Variants in RARB observed in about 807,000 individuals in gnomAD.
The protein encoded by RARB is HBV-activated protein.
Under a neutral mutation model 51.9 loss-of-function variants are expected in RARB, and 17 were observed. The observed-to-expected ratio is 0.33, with a 90% CI of 0.22 to 0.49. The LOEUF (loss-of-function observed/expected upper bound fraction) is 0.49. Ranked by LOEUF, RARB falls within the 20% of genes least tolerant of loss-of-function variation. The pLI, the probability that RARB is intolerant of heterozygous loss-of-function variation, is 0.99. For synonymous variants in RARB, 215 were observed against 195.4 expected (o/e 1.10, Z -0.84); for missense variants, 369 against 550.8 (o/e 0.67, Z 3.30).
intron 5 of RARB, among the ~76,000 whole-genome samples, chr3:25,232,101 A>T (rs981196556): frequency 2.6e-5 from 4 of 152,132 alleles, no homozygotes; most frequent in Non-Finnish European, 5.9e-5. Flanking sequence ...ATTTGTTGAA[A>T]AAACTAAATT....
At chr3:25,441,543 G>T (rs950106413) in intron 1 of RARB, 1 of 155,382 alleles carries the variant, frequency 6.4e-6, no homozygotes. Flanking sequence ...CCGTGGTATG[G>T]ACACCTCCTT....
chr3:24,995,653 A>ATT (rs1697005411), intron 2 of RARB, among the ~76,000 whole-genome samples: 1 of 151,966 alleles, frequency 6.6e-6, no homozygotes, highest in Non-Finnish European at 1.5e-5. Flanking sequence ...TCCATCCCTA[A>ATT]TTTGTTAAGA....
intron 2 of RARB, among the ~76,000 whole-genome samples, chr3:25,027,974 ATT>A (rs10535825): frequency 0.68 from 102,819 of 151,576 alleles, 35,119 homozygotes; most frequent in East Asian, 0.87. Context: ...TGGCTCATGG[ATT>A]TTTTTTTTCA....
chr3:25,523,300 A>T (rs939716670), intron 3 of RARB, among the ~76,000 whole-genome samples: 1 of 152,204 alleles, frequency 6.6e-6, no homozygotes, highest in African/African-American at 2.4e-5. Context: ...AGACTTTTTC[A>T]AACACAGGGT....
intron 1 of RARB, among the ~76,000 whole-genome samples, chr3:24,837,315 T>C (rs1330982539): frequency 5.9e-5 from 9 of 152,236 alleles, no homozygotes; most frequent in Non-Finnish European, 8.8e-5. Flanking sequence ...TTGTCTTCTT[T>C]AAGATTTTTC....
chr3:25,159,036 A>C (rs79696963), intron 4 of RARB, among the ~76,000 whole-genome samples: 19 of 152,158 alleles, frequency 1.2e-4, no homozygotes, highest in Non-Finnish European at 2.2e-4. Context: ...AAGTTGGGAA[A>C]TACTGTTTGG....
intron 5 of RARB, among the ~76,000 whole-genome samples, chr3:25,384,836 C>A (rs1474868182): frequency 1.3e-5 from 2 of 152,174 alleles, no homozygotes; most frequent in Non-Finnish European, 2.9e-5. Context: ...AAATTCTGTT[C>A]GTTCAGAAAG....
chr3:24,980,224 TG>T (rs756433437), intron 2 of RARB, among the ~76,000 whole-genome samples: 3 of 152,198 alleles, frequency 2.0e-5, no homozygotes, highest in African/African-American at 4.8e-5. Flanking sequence ...ATTTCAACCT[TG>T]GTGAATCTGA....
intron 5 of RARB, among the ~76,000 whole-genome samples, chr3:25,181,034 G>A (rs1412078066): frequency 6.6e-6 from 1 of 152,168 alleles, no homozygotes; most frequent in African/African-American, 2.4e-5. Flanking sequence ...GTTGCTCAGT[G>A]GTGGGGCTGG....
chr3:25,062,223 A>G (rs1698563982), intron 3 of RARB, among the ~76,000 whole-genome samples: 1 of 151,846 alleles, frequency 6.6e-6, no homozygotes, highest in Non-Finnish European at 1.5e-5. Context: ...GACGGCCAGT[A>G]AAGAAAATGA....
At chr3:24,931,691 C>T (rs1038350375) in intron 2 of RARB, among the ~76,000 whole-genome samples, 25 of 152,112 alleles carry the variant, frequency 1.6e-4, no homozygotes, top group Non-Finnish European at 3.4e-4. Flanking sequence ...TTTGCAAGCA[C>T]CTGTGCACAT....
Position 25,593,667 on chromosome 3 carries a change from A to G in RARB, c.951A>G (p.Thr317=). 1 of 1,614,142 alleles carries G rather than the reference A, an allele frequency of 6.2e-7. No individual in the cohort carries two copies. Residue 317 remains threonine (T), a synonymous_variant, in exon 6 of 8, where the codon ACA becomes ACG. Coordinates refer to ENST00000330688, the MANE Select transcript of RARB (RefSeq NM_000965.5). ...NQLLPLEMDD[T]ETGLLSAICL... ...TCCTGCCTTTGGAAATGGATGACACAGAAACAGGCCTTCTCAGTGCCATCT... is the reference window on the plus strand; with the variant it reads ...TCCTGCCTTTGGAAATGGATGACACGGAAACAGGCCTTCTCAGTGCCATCT...
chr3:25,088,204 A>C (rs1431011639), intron 3 of RARB, among the ~76,000 whole-genome samples: 1 of 152,078 alleles, frequency 6.6e-6, no homozygotes, highest in Non-Finnish European at 1.5e-5. Context: ...TTGGTTTCAT[A>C]TTAGCTTATT....
At chr3:25,000,542 T>C (rs2125274745) in intron 2 of RARB, among the ~76,000 whole-genome samples, 1 of 152,296 alleles carries the variant, frequency 6.6e-6, no homozygotes, top group African/African-American at 2.4e-5. Flanking sequence ...TAAAATCATA[T>C]TACCCTTAGA....
intron 5 of RARB, among the ~76,000 whole-genome samples, chr3:25,384,297 T>C (rs189005961): frequency 1.1e-4 from 17 of 152,114 alleles, no homozygotes; most frequent in African/African-American, 4.1e-4. Flanking sequence ...CTCCCTTCAT[T>C]GTCTCTTCAT....
At chr3:25,282,430 C>G (rs961357419) in intron 5 of RARB, among the ~76,000 whole-genome samples, 8 of 152,210 alleles carry the variant, frequency 5.3e-5, no homozygotes, top group African/African-American at 1.9e-4. Flanking sequence ...TACCCACTCT[C>G]ACTTCTAACA....
chr3:25,061,465 C>CT (rs1482181029), intron 3 of RARB, among the ~76,000 whole-genome samples: 1 of 151,602 alleles, frequency 6.6e-6, no homozygotes, highest in Admixed American at 6.6e-5. Context: ...AACTTGATTG[C>CT]TTTTTTCTAA....
chr3:25,054,291 G>C (rs1314221797), intron 2 of RARB, among the ~76,000 whole-genome samples: 1 of 152,150 alleles, frequency 6.6e-6, no homozygotes, highest in Non-Finnish European at 1.5e-5. Context: ...GAAATAAATA[G>C]ATGAATGGCT....
chr3:24,842,260 T>C (rs1187453392), intron 1 of RARB, among the ~76,000 whole-genome samples: 1 of 152,182 alleles, frequency 6.6e-6, no homozygotes, highest in Non-Finnish European at 1.5e-5. Flanking sequence ...ACTATTCCAT[T>C]ATAAATTCAA....
Sources: allele counts gnomAD v4.1 joint callset (sites outside exome capture counted in the v4.1 genomes callset), GRCh38; gene constraint gnomAD v4.1.1; transcripts MANE v1.5; gene names NCBI Gene and HGNC (gene_info 2026-07-23, HGNC 2026-07-21).